STAG1: variants seen among roughly 807,000 people sequenced by gnomAD.
STAG1 encodes the protein cohesin subunit SA-1.
Under a neutral mutation model 170.9 loss-of-function variants are expected in STAG1, and 26 were observed. The ratio of observed to expected loss-of-function variants is 0.15; its 90% CI spans 0.11 to 0.21. STAG1 has a LOEUF of 0.21. STAG1 is among the 10% of genes least tolerant of loss of function. The pLI is 1.00. For missense variants in STAG1, 964 were observed against 1,509.5 expected (o/e 0.64, Z 5.99); for synonymous variants, 514 against 497.7 (o/e 1.03, Z -0.44).
intron 1 of STAG1, among the ~76,000 whole-genome samples, chr3:136,741,418 A>G (rs1934664444): frequency 1.3e-5 from 2 of 152,254 alleles, no homozygotes. Flanking sequence ...AGACATTAGC[A>G]TATGATCAAT....
intron 15 of STAG1, among the ~76,000 whole-genome samples, chr3:136,442,728 T>C (rs1216592731): frequency 2.0e-5 from 3 of 152,110 alleles, no homozygotes; most frequent in Admixed American, 1.3e-4. Flanking sequence ...CAGTATTTTG[T>C]ATCTCAAATC....
chr3:136,492,084 T>C (rs1416039247), intron 9 of STAG1, among the ~76,000 whole-genome samples: 2 of 152,208 alleles, frequency 1.3e-5, no homozygotes, highest in Non-Finnish European at 2.9e-5. Flanking sequence ...AAAAGTGATA[T>C]CTCTGCATAG....
chr3:136,398,540 T>C (rs1449634510), intron 22 of STAG1, among the ~76,000 whole-genome samples: 1 of 152,104 alleles, frequency 6.6e-6, no homozygotes, highest in Non-Finnish European at 1.5e-5. Flanking sequence ...CATAACTATG[T>C]GTCTTTTGCT....
intron 1 of STAG1, among the ~76,000 whole-genome samples, chr3:136,658,308 T>C (rs962601059): frequency 4.6e-5 from 7 of 152,054 alleles, no homozygotes; most frequent in African/African-American, 1.4e-4. Flanking sequence ...TCAAAAAAAG[T>C]AATGAGGGCA....
chr3:136,383,939 T>C (rs1425080238), intron 22 of STAG1, among the ~76,000 whole-genome samples: 1 of 113,976 alleles, frequency 8.8e-6, no homozygotes, highest in South Asian at 2.6e-4. Context: ...TGGGCAACAG[T>C]GCAAGACTCC....
chr3:136,521,190 G>T, intron 7 of STAG1, 23 bp downstream of exon 7: 1 of 1,585,886 alleles, frequency 6.3e-7, no homozygotes, highest in Non-Finnish European at 8.7e-7. Context: ...AAATGAAAAG[G>T]AAATAAAATG....
chr3:136,552,015 G>A (rs1936428156), intron 5 of STAG1, among the ~76,000 whole-genome samples: 1 of 152,084 alleles, frequency 6.6e-6, no homozygotes, highest in African/African-American at 2.4e-5. Flanking sequence ...CCTGTTCTCT[G>A]CATACCCAAC....
intron 15 of STAG1, 34 bp from the exon 16 acceptor site, chr3:136,433,693 A>G (rs1304029856): frequency 7.1e-7 from 1 of 1,402,292 alleles, no homozygotes; most frequent in Non-Finnish European, 1.0e-6. Context: ...GCATGAGTAG[A>G]CAGTTTTACA....
intron 1 of STAG1, among the ~76,000 whole-genome samples, chr3:136,677,392 G>A (rs753043701): frequency 1.2e-4 from 19 of 152,028 alleles, no homozygotes; most frequent in African/African-American, 4.6e-4. Flanking sequence ...ACTGTCACAC[G>A]CAAGGTCACT....
intron 5 of STAG1, among the ~76,000 whole-genome samples, chr3:136,553,689 GC>G (rs1417797863): frequency 6.6e-6 from 1 of 152,214 alleles, no homozygotes; most frequent in Non-Finnish European, 1.5e-5. Context: ...CAGGGGAATC[GC>G]TTGAACCCAG....
chr3:136,719,296 C>G (rs1934115693), intron 1 of STAG1, among the ~76,000 whole-genome samples: 1 of 151,866 alleles, frequency 6.6e-6, no homozygotes, highest in African/African-American at 2.4e-5. Flanking sequence ...TATGAAATGT[C>G]CCAAAAAAGC....
At chr3:136,750,226 G>A (rs937712100) in intron 1 of STAG1, among the ~76,000 whole-genome samples, 5 of 152,082 alleles carry the variant, frequency 3.3e-5, no homozygotes, top group Admixed American at 1.3e-4. Context: ...ATGTTGCCCA[G>A]GTAAGCCTCA....
chr3:136,340,640 A>G (rs1235178777), intron 31 of STAG1, 35 bp from the exon 32 acceptor site: 3 of 1,373,146 alleles, frequency 2.2e-6, no homozygotes, highest in Non-Finnish European at 1.0e-6. Context: ...AAAGCTCATC[A>G]GACTCCACCA....
intron 4 of STAG1, among the ~76,000 whole-genome samples, chr3:136,577,125 CAAT>C (rs1480375366): frequency 2.6e-5 from 4 of 152,218 alleles, no homozygotes; most frequent in African/African-American, 7.2e-5. Flanking sequence ...GGAATTACGG[CAAT>C]AATTATGGCT....
chr3:136,736,439 G>A (rs550208132), intron 1 of STAG1: 12 of 1,219,508 alleles, frequency 9.8e-6, no homozygotes, highest in South Asian at 3.6e-5. Context: ...TGAGTCCTTC[G>A]AAGCAGGAAG....
intron 9 of STAG1, among the ~76,000 whole-genome samples, chr3:136,495,024 A>C (rs1011828923): frequency 2.6e-5 from 4 of 152,240 alleles, no homozygotes; most frequent in Non-Finnish European, 4.4e-5. Context: ...AATTTTTGAA[A>C]ACGAAGAATA....
At chr3:136,524,947 A>G (rs1056612698) in intron 6 of STAG1, among the ~76,000 whole-genome samples, 1 of 152,186 alleles carries the variant, frequency 6.6e-6, no homozygotes, top group East Asian at 1.9e-4. Flanking sequence ...GATGAAGCCC[A>G]CTTGATCATG....
chr3:136,724,088 C>T (rs1933508833), intron 1 of STAG1, among the ~76,000 whole-genome samples: 1 of 152,014 alleles, frequency 6.6e-6, no homozygotes, highest in African/African-American at 2.4e-5. Context: ...GGCCACCACC[C>T]CGTCTGGGAG....
intron 1 of STAG1, among the ~76,000 whole-genome samples, chr3:136,704,821 C>CAAAAAAAAA (rs67207510): frequency 1.3e-3 from 66 of 51,344 alleles, no homozygotes; most frequent in Non-Finnish European, 1.6e-3. Context: ...GTCCCTGTCT[C>CAAAAAAAAA]AAAAAAAAAA....
Sources: allele counts gnomAD v4.1 joint callset (sites outside exome capture counted in the v4.1 genomes callset), GRCh38; gene constraint gnomAD v4.1.1; transcripts MANE v1.5; gene names NCBI Gene and HGNC (gene_info 2026-07-23, HGNC 2026-07-21).